Variants in DOK6 observed in about 807,000 individuals in gnomAD.
The protein encoded by DOK6 is docking protein 6.
DOK6 carries 22 observed loss-of-function variants against 44.0 expected under a neutral mutation model. The observed-to-expected ratio is 0.50, with a 90% confidence interval of 0.36 to 0.71. The LOEUF is 0.71. DOK6 is among the 30% of genes least tolerant of loss of function. DOK6 has a pLI of 0.00. For missense variants in DOK6, 340 were observed against 416.4 expected (o/e 0.82, Z 1.60); for synonymous variants, 166 against 145.5 (o/e 1.14, Z -1.01).
chr18:69,817,181 T>C (rs1981424491), intron 7 of DOK6, among the ~76,000 whole-genome samples: 1 of 152,174 alleles, frequency 6.6e-6, no homozygotes, highest in South Asian at 2.1e-4. Flanking sequence ...TTTATACAAC[T>C]ATGGCAGCTG....
chr18:69,813,447 T>C (rs1981302552), intron 7 of DOK6, among the ~76,000 whole-genome samples: 1 of 152,116 alleles, frequency 6.6e-6, no homozygotes. Context: ...CTAATGTTTC[T>C]ATGCTTACTG....
At chr18:69,470,844 G>C (rs1393407115) in intron 1 of DOK6, among the ~76,000 whole-genome samples, 1 of 152,216 alleles carries the variant, frequency 6.6e-6, no homozygotes, top group Non-Finnish European at 1.5e-5. Flanking sequence ...AGGTGCTGGG[G>C]ATAAAGCAGT....
chr18:69,543,458 C>T (rs1487175395), intron 1 of DOK6, among the ~76,000 whole-genome samples: 1 of 151,562 alleles, frequency 6.6e-6, no homozygotes, highest in East Asian at 1.9e-4. Flanking sequence ...ACATATACAA[C>T]CTCTCATTTC....
chr18:69,776,851 T>A lies in DOK6; in HGVS notation c.856+18978T>A, dbSNP rs185016435. ...TCTAAAGAAATGTAGGCATGTGAAATCTGTATTAGACATGACATCAGTTTG... is the reference window on the plus strand; with the variant it reads ...TCTAAAGAAATGTAGGCATGTGAAAACTGTATTAGACATGACATCAGTTTG... On this transcript the variant is annotated intron_variant, in intron 7 of 7. Transcript: ENST00000382713. 3.0e-3 allele frequency among the ~76,000 whole-genome samples: 453 copies of A among 152,080 alleles called. 4 individuals carry two copies. The highest frequency in any genetic ancestry group is 0.01 in the African/African-American group (428 of 41,522).
intron 1 of DOK6, among the ~76,000 whole-genome samples, chr18:69,535,482 G>T (rs1293713102): frequency 1.3e-5 from 2 of 151,512 alleles, no homozygotes; most frequent in African/African-American, 4.8e-5. Flanking sequence ...ATGGTTTGGG[G>T]TGTTTTAAAA....
At chr18:69,713,662 A>G (rs1020894696) in intron 5 of DOK6, among the ~76,000 whole-genome samples, 3 of 152,180 alleles carry the variant, frequency 2.0e-5, no homozygotes, top group Non-Finnish European at 4.4e-5. Context: ...CTAAAATTGT[A>G]TAAGTTTTCA....
chr18:69,622,722 G>T (rs992107942), intron 3 of DOK6, among the ~76,000 whole-genome samples: 18 of 152,258 alleles, frequency 1.2e-4, no homozygotes, highest in Admixed American at 9.8e-4. Context: ...AGAAAATTGA[G>T]ATTCAGAGTT....
intron 5 of DOK6, among the ~76,000 whole-genome samples, chr18:69,715,515 T>A (rs1338153236): frequency 6.6e-6 from 1 of 152,204 alleles, no homozygotes; most frequent in Non-Finnish European, 1.5e-5. Flanking sequence ...ATCAATCAGC[T>A]CTCGCGATCT....
intron 2 of DOK6, among the ~76,000 whole-genome samples, chr18:69,581,897 G>T (rs572004763): frequency 1.5e-4 from 23 of 152,240 alleles, no homozygotes; most frequent in Middle Eastern, 3.4e-3. Flanking sequence ...CAGTCATTTT[G>T]TGGCCACGAG....
chr18:69,817,289 AT>A (rs945253200), intron 7 of DOK6, among the ~76,000 whole-genome samples: 2 of 152,080 alleles, frequency 1.3e-5, no homozygotes, highest in African/African-American at 4.8e-5. Flanking sequence ...AAAGAAGTCC[AT>A]TTTTCTTCTT....
chr18:69,620,034 TA>T (rs1464200232), intron 3 of DOK6, among the ~76,000 whole-genome samples: 4 of 152,112 alleles, frequency 2.6e-5, no homozygotes, highest in African/African-American at 9.7e-5. Flanking sequence ...CATAAACAAA[TA>T]ATAATATTAC....
intron 7 of DOK6, among the ~76,000 whole-genome samples, chr18:69,767,545 GA>G (rs1215193564): frequency 0.064 from 7 of 110 alleles, no homozygotes; most frequent in Non-Finnish European, 0.097. Flanking sequence ...CAGTGCAGAG[GA>G]GAATGCCCCC....
chr18:69,643,093 G>A (rs566772139), intron 3 of DOK6, among the ~76,000 whole-genome samples: 1 of 152,084 alleles, frequency 6.6e-6, no homozygotes, highest in Non-Finnish European at 1.5e-5. Flanking sequence ...TATATTCACT[G>A]TAATAAACCA....
At chr18:69,760,373 G>A (rs917315675) in intron 7 of DOK6, among the ~76,000 whole-genome samples, 3 of 152,126 alleles carry the variant, frequency 2.0e-5, no homozygotes, top group Non-Finnish European at 4.4e-5. Context: ...GCTCATCCCT[G>A]TAATCCCAGC....
At chr18:69,764,758 T>C (rs1599313163) in intron 7 of DOK6, among the ~76,000 whole-genome samples, 1 of 152,234 alleles carries the variant, frequency 6.6e-6, no homozygotes, top group Non-Finnish European at 1.5e-5. Flanking sequence ...GAATATACTT[T>C]GACTCCTTTT....
At chr18:69,642,268 A>C (rs1272731878) in intron 3 of DOK6, among the ~76,000 whole-genome samples, 1 of 152,222 alleles carries the variant, frequency 6.6e-6, no homozygotes, top group Non-Finnish European at 1.5e-5. Context: ...TTTAATACTG[A>C]TAAAAGAATA....
chr18:69,527,635 G>C (rs1261178568), intron 1 of DOK6, among the ~76,000 whole-genome samples: 1 of 152,094 alleles, frequency 6.6e-6, no homozygotes, highest in Non-Finnish European at 1.5e-5. Context: ...TAGATTATTT[G>C]CTCCCATTCT....
At chr18:69,651,671 T>G (rs977058990) in intron 3 of DOK6, among the ~76,000 whole-genome samples, 6 of 151,770 alleles carry the variant, frequency 4.0e-5, no homozygotes, top group Non-Finnish European at 8.8e-5. Flanking sequence ...GTATTTTGAG[T>G]AAAGACGGGG....
chr18:69,744,448 GA>G lies in DOK6; in HGVS notation c.738+5346del, dbSNP rs557218954. ...AGAGTGATCACATTTGCATATTTGT[GA>G]TTTTTTTTCTTTTTTTACTGATAGT... is the stretch of plus-strand genomic sequence containing the variant. On this transcript the variant is annotated intron_variant, in intron 6 of 7. Transcript: ENST00000382713. 2.4e-4 allele frequency among the ~76,000 whole-genome samples: 24 copies of G among 99,250 alleles called. 3 individuals carry two copies. In the South Asian group the frequency reaches 7.9e-3, roughly 33 times the overall value. 65.1% of individuals were successfully genotyped at this position (99,250 alleles called of 152,430 possible).
Sources: gnomAD v4.1 joint callset for allele counts (sites outside exome capture counted in the v4.1 genomes callset) on GRCh38, gnomAD v4.1.1 for gene constraint, MANE v1.5 for transcripts, NCBI Gene and HGNC (gene_info 2026-07-23, HGNC 2026-07-21) for gene names.